PGGT1B: variants seen among roughly 807,000 people sequenced by gnomAD.
PGGT1B encodes protein geranylgeranyltransferase type I subunit beta.
Under a neutral mutation model 46.1 loss-of-function variants are expected in PGGT1B, and 30 were observed. The observed-to-expected ratio is 0.65, with a 90% confidence interval of 0.49 to 0.88. The LOEUF (loss-of-function observed/expected upper bound fraction) is 0.88, where lower values mean the gene tolerates loss of function less well. PGGT1B is among the 40% of genes least tolerant of loss of function. The pLI, the probability that PGGT1B is intolerant of heterozygous loss-of-function variation, is 0.00. For synonymous variants in PGGT1B, 170 were observed against 160.0 expected (o/e 1.06, Z -0.47); for missense variants, 376 against 455.9 (o/e 0.82, Z 1.60).
At position 115,204,969 on chromosome 5, in the gene PGGT1B, G is replaced by T. The variant is rs1377572964; in HGVS notation, c.*7433C>A. 2 of 152,128 alleles carry T rather than the reference G, an allele frequency of 1.3e-5. No individual in the cohort carries two copies. The highest frequency in any genetic ancestry group is 4.8e-5 in the African/African-American group (2 of 41,436). The allele number at this position is 152,128 out of a possible 1,614,324, so 9.4% of individuals were successfully genotyped here. On this transcript the variant is annotated 3_prime_UTR_variant, in exon 9 of 9. Coordinates refer to ENST00000419445, the MANE Select transcript of PGGT1B (RefSeq NM_005023.4). ...CTCTGTAACAGAATCTCATTTGTGG[G>T]TGTTCTAGTGTGGTACTCAATTGCT...
rs1384280451 is a variant in PGGT1B at position 115,206,684 on chromosome 5, AAAAATGTGGCTGTGAGATCCTTG to A, written c.*5695_*5717del. 3 of 152,064 alleles carry A rather than the reference AAAAATGTGGCTGTGAGATCCTTG, an allele frequency of 2.0e-5. No individual in the cohort carries two copies. The highest frequency in any genetic ancestry group is 7.2e-5 in the African/African-American group (3 of 41,436). 9.4% of individuals were successfully genotyped at this position (152,064 alleles called of 1,614,324 possible). A position where few individuals can be genotyped will look rare whatever the true frequency, so the allele number is the denominator to read the frequency against. On this transcript the variant is annotated 3_prime_UTR_variant, in exon 9 of 9. Coordinates refer to ENST00000419445, the MANE Select transcript of PGGT1B (RefSeq NM_005023.4). ...AATGTGTCTTATTTTTCACAATTAC[AAAAATGTGGCTGTGAGATCCTTG>A]AAAATGTATCATTGCCTATTTGCAT...
intron 7 of PGGT1B, among the ~76,000 whole-genome samples, chr5:115,219,880 G>T (rs372721485): frequency 6.6e-6 from 1 of 151,694 alleles, no homozygotes. Context: ...ACAATGAAAT[G>T]ACACTTCAGA....
At chr5:115,260,409 A>C (rs749161628) in intron 1 of PGGT1B, among the ~76,000 whole-genome samples, 3 of 152,172 alleles carry the variant, frequency 2.0e-5, no homozygotes, top group Non-Finnish European at 4.4e-5. Context: ...TGACTGTGGA[A>C]TTTAACTGCA....
intron 5 of PGGT1B, among the ~76,000 whole-genome samples, chr5:115,235,928 A>G (rs1038911483): frequency 9.9e-5 from 15 of 152,132 alleles, no homozygotes; most frequent in Admixed American, 8.5e-4. Context: ...CAGAAGTTTT[A>G]TTTCTCCTTT....
intron 3 of PGGT1B, among the ~76,000 whole-genome samples, chr5:115,238,301 T>G: frequency 8.5e-6 from 1 of 117,456 alleles, no homozygotes; most frequent in African/African-American, 4.2e-5. Flanking sequence ...ATTTTTTTTT[T>G]TTTTTTTTTT....
intron 2 of PGGT1B, among the ~76,000 whole-genome samples, chr5:115,241,920 T>C (rs1757358714): frequency 6.6e-6 from 1 of 152,140 alleles, no homozygotes. Flanking sequence ...ACATGTTCAA[T>C]CCCCCTTTCT....
At chr5:115,228,852 G>T (rs1385885031) in intron 6 of PGGT1B, among the ~76,000 whole-genome samples, 1 of 152,102 alleles carries the variant, frequency 6.6e-6, no homozygotes, top group Non-Finnish European at 1.5e-5. Context: ...ATGAGAAAAA[G>T]ATATTGGATT....
intron 1 of PGGT1B, among the ~76,000 whole-genome samples, chr5:115,255,071 A>C (rs1748255241): frequency 6.6e-6 from 1 of 152,122 alleles, no homozygotes; most frequent in South Asian, 2.1e-4. Context: ...GCTTCCAATA[A>C]TTATTTTAAT....
chr5:115,233,369 T>A (rs992771419), intron 5 of PGGT1B, among the ~76,000 whole-genome samples: 1 of 150,626 alleles, frequency 6.6e-6, no homozygotes, highest in Non-Finnish European at 1.5e-5. Context: ...ACAGGATGAC[T>A]AAGGAAGAAT....
At chr5:115,238,856 G>A (rs1240363776) in intron 3 of PGGT1B, among the ~76,000 whole-genome samples, 1 of 152,128 alleles carries the variant, frequency 6.6e-6, no homozygotes. Context: ...GTGACTAAGT[G>A]CAAGGCAAAT....
At position 115,237,973 on chromosome 5, in the gene PGGT1B, T is replaced by C. The variant is rs561108334; in HGVS notation, c.364A>G (p.Ile122Val). The C allele has an allele frequency of 6.2e-7, 1 of 1,611,822 alleles. No individual in the cohort carries two copies. The highest frequency in any genetic ancestry group is 1.1e-5 in the South Asian group (1 of 90,792). Residue 122 changes from isoleucine (I) to valine (V), a missense_variant, in exon 4 of 9, where the codon ATT becomes GTT. Coordinates refer to ENST00000419445, the MANE Select transcript of PGGT1B (RefSeq NM_005023.4). ...GAGAGGCCAGTGTAGGTCATTGCAA[T>C]GTGGCCACTATCATAAGGATGAGCT... ...GTAHPYDSGH[I>V]AMTYTGLSCL...
At chr5:115,224,738 G>C (rs1756709962) in intron 6 of PGGT1B, among the ~76,000 whole-genome samples, 1 of 151,616 alleles carries the variant, frequency 6.6e-6, no homozygotes, top group Admixed American at 6.6e-5. Context: ...GCCAGGCATG[G>C]TGGTGTGCAC....
At chr5:115,229,351 C>T (rs939285326) in intron 6 of PGGT1B, among the ~76,000 whole-genome samples, 1 of 152,058 alleles carries the variant, frequency 6.6e-6, no homozygotes, top group African/African-American at 2.4e-5. Flanking sequence ...CACTGTGACA[C>T]TATGATTAAA....
intron 2 of PGGT1B, among the ~76,000 whole-genome samples, chr5:115,252,243 A>C (rs1176648399): frequency 6.6e-6 from 1 of 152,112 alleles, no homozygotes; most frequent in Non-Finnish European, 1.5e-5. Context: ...TTTTTTAATA[A>C]GACTTTGTAA....
At chr5:115,224,069 T>A (rs547354851) in intron 6 of PGGT1B, among the ~76,000 whole-genome samples, 2 of 152,300 alleles carry the variant, frequency 1.3e-5, no homozygotes, top group African/African-American at 4.8e-5. Flanking sequence ...ATCTTCAGAA[T>A]TAGTTGGGAC....
At chr5:115,246,824 A>C (rs1284947304) in intron 2 of PGGT1B, among the ~76,000 whole-genome samples, 1 of 152,214 alleles carries the variant, frequency 6.6e-6, no homozygotes, top group Non-Finnish European at 1.5e-5. Flanking sequence ...GTAGAACTAT[A>C]GAGTCAAACT....
chr5:115,262,551 C>G (rs1748608586), intron 1 of PGGT1B, 161 bp downstream of exon 1: 2 of 727,498 alleles, frequency 2.7e-6, no homozygotes, highest in Non-Finnish European at 4.5e-6. Context: ...CACCGTACGG[C>G]GGGAGAGTGG....
At chr5:115,239,066 C>G (rs949584398) in intron 3 of PGGT1B, among the ~76,000 whole-genome samples, 3 of 151,718 alleles carry the variant, frequency 2.0e-5, no homozygotes, top group Non-Finnish European at 4.4e-5. Flanking sequence ...TTGAGATAGG[C>G]TTTGCTCCGT....
chr5:115,254,591 G>T lies in PGGT1B; in HGVS notation c.141-1336C>A, dbSNP rs1335635283. ...ACTTTAGGAGAGATGAGAAAATAGT[G>T]ATTTCTTCTCTTTTTTTTTTTTTTA... On this transcript the variant is annotated intron_variant, in intron 1 of 8. Coordinates refer to ENST00000419445, the MANE Select transcript of PGGT1B (RefSeq NM_005023.4). 8.4e-5 allele frequency among the ~76,000 whole-genome samples: 11 copies of T among 131,716 alleles called. 1 individual carries two copies. Among genetic ancestry groups the T allele is most frequent in the Admixed American group, 2.4e-4 (3 of 12,644 alleles). 86.4% of individuals were successfully genotyped at this position (131,716 alleles called of 152,430 possible).
Sources: allele counts gnomAD v4.1 joint callset (sites outside exome capture counted in the v4.1 genomes callset), GRCh38; gene constraint gnomAD v4.1.1; transcripts MANE v1.5; gene names NCBI Gene and HGNC (gene_info 2026-07-23, HGNC 2026-07-21).